MAP4K1: variants seen among roughly 807,000 people sequenced by gnomAD.
MAP4K1 encodes the protein mitogen-activated protein kinase kinase kinase kinase 1, also known as MAPK/ERK kinase kinase kinase 1.
Under a neutral mutation model 122.8 loss-of-function variants are expected in MAP4K1, and 35 were observed. The ratio of observed to expected loss-of-function variants is 0.29; its 90% CI spans 0.22 to 0.38. MAP4K1 has a LOEUF of 0.38. Among genes scored for constraint, MAP4K1 ranks in the 10% least tolerant of loss-of-function variants. The pLI, the probability that MAP4K1 is intolerant of heterozygous loss-of-function variation, is 1.00. For missense variants in MAP4K1, 791 were observed against 1,072.6 expected (o/e 0.74, Z 3.67); for synonymous variants, 412 against 421.3 (o/e 0.98, Z 0.27).
rs1447064012 is a variant in MAP4K1 at position 38,617,340 on chromosome 19, C to A, written c.248+14G>T. 1 of 1,606,182 alleles carries A rather than the reference C, an allele frequency of 6.2e-7. No homozygotes were observed. Among genetic ancestry groups the A allele is most frequent in the South Asian group, 1.1e-5 (1 of 90,864 alleles). On this transcript the variant is annotated intron_variant, in intron 3 of 30. Coordinates refer to ENST00000396857, the MANE Select transcript of MAP4K1 (RefSeq NM_001042600.3). The surrounding 1 kb of genome is among the most constrained non-coding windows in gnomAD (Gnocchi z 4.1). ...GGCTGGGCTGGGTGCCAGGGTGGGT[C>A]TGAGGTTCATCACCAGAGATAACTC... is the stretch of plus-strand genomic sequence containing the variant.
chr19:38,601,648 G>A, intron 19 of MAP4K1, 123 bp from the exon 20 acceptor site: 1 of 676,766 alleles, frequency 1.5e-6, no homozygotes, highest in Non-Finnish European at 2.6e-6. Context: ...TTACCTTGGT[G>A]CAATTTCCCA....
rs1216851974 is a variant in MAP4K1 at position 38,597,415 on chromosome 19, G to A, written c.1779-31C>T. The A allele has an allele frequency of 6.2e-7, 1 of 1,613,524 alleles. No homozygotes were observed. Among genetic ancestry groups the A allele is most frequent in the African/African-American group, 1.3e-5 (1 of 75,022 alleles). ...GAATAGGTAGGTGTGAAGGGGGGTA[G>A]GACAGCAGGAGGCAGAGGGGCATGG... is the stretch of plus-strand genomic sequence containing the variant. On this transcript the variant is annotated intron_variant, in intron 23 of 30. Coordinates refer to ENST00000396857, the MANE Select transcript of MAP4K1 (RefSeq NM_001042600.3). This position sits in a 1 kb window ranked among gnomAD's most constrained non-coding sequence, Gnocchi z 4.6.
Position 38,616,263 on chromosome 19 carries a change from CA to C in MAP4K1, c.249-5del. Reference sequence around the variant, plus strand: ...GCAGATCCAGAGTTTCTGCAACCTGCAGTGGTTCAAGAGTAAGAATAATAAT... The same window carrying C: ...GCAGATCCAGAGTTTCTGCAACCTGCGTGGTTCAAGAGTAAGAATAATAAT... On this transcript the variant is annotated splice_region_variant and splice_polypyrimidine_tract_variant and intron_variant, in intron 3 of 30. Coordinates refer to ENST00000396857, the MANE Select transcript of MAP4K1 (RefSeq NM_001042600.3). 6.2e-7 allele frequency: 1 copy of C among 1,610,856 alleles called. No individual in the cohort carries two copies. The highest frequency in any genetic ancestry group is 8.5e-7 in the Non-Finnish European group (1 of 1,178,306).
chr19:38,597,309 G>A lies in MAP4K1; in HGVS notation c.1837+17C>T, dbSNP rs1399505839. The A allele has an allele frequency of 1.9e-6, 3 of 1,613,756 alleles. No homozygotes were observed. Among genetic ancestry groups the A allele is most frequent in the South Asian group, 1.1e-5 (1 of 91,078 alleles). ...GGCCCCGCCCACTCTCTGCACACCC[G>A]TGAAGCTCTCTCTCACCCACACAGC... On this transcript the variant is annotated intron_variant, in intron 24 of 30. Transcript: ENST00000396857. This position sits in a 1 kb window ranked among gnomAD's most constrained non-coding sequence, Gnocchi z 4.6.
At position 38,597,524 on chromosome 19, in the gene MAP4K1, G is replaced by T; in HGVS notation, c.1740C>A (p.Asn580Lys). 1 of 1,613,988 alleles carries T rather than the reference G, an allele frequency of 6.2e-7. No individual in the cohort carries two copies. The highest frequency in any genetic ancestry group is 8.5e-7 in the Non-Finnish European group (1 of 1,179,976). The change falls in exon 23 of 31, where the codon AAC becomes AAA. Residue 580 changes from asparagine (N) to lysine (K), a missense_variant. Physicochemically the swap from Asn to Lys is moderately conservative, Grantham distance 94. Around this residue, in one of 4 missense-constraint regions of MAP4K1, gnomAD observed 267 missense variants for 323.0 expected, o/e 0.83. Transcript: ENST00000396857. The surrounding 1 kb of genome is among the most constrained non-coding windows in gnomAD (Gnocchi z 4.6). Reference sequence around the variant, plus strand: ...GGTGGGGGCTAATGTGAGCGATGGGGTTTCCTGCTCTGGTCTCTTTCCGTT... The same window carrying T: ...GGTGGGGGCTAATGTGAGCGATGGGTTTTCCTGCTCTGGTCTCTTTCCGTT... ...LLERKETRAG[N>K]PIAHISPHRL...
Position 38,605,616 on chromosome 19 carries a change from G to A in MAP4K1, c.1315C>T (p.Pro439Ser). Residue 439 changes from proline (P) to serine (S), a missense_variant, in exon 18 of 31, where the codon CCT becomes TCT. This residue lies in a region of MAP4K1 where 303 missense variants were observed against 344.8 expected (regional missense o/e 0.88). Transcript: ENST00000396857. ...ASGPPPNSPR[P>S]GPPPSTSSPH... ...CTGCTGGTGGATGGGGGAGGCCCAG[G>A]ACGGGGGCTGTTTGGTGGGGGCCCA... 3 of 1,573,792 alleles carry A rather than the reference G, an allele frequency of 1.9e-6. No individual in the cohort carries two copies. The highest frequency in any genetic ancestry group is 2.3e-5 in the South Asian group (2 of 86,996).
At position 38,612,634 on chromosome 19, in the gene MAP4K1, C is replaced by T. The variant is rs35922303; in HGVS notation, c.642G>A (p.Pro214=). 3.5e-4 allele frequency: 571 copies of T among 1,613,130 alleles called. 3 individuals are homozygous for T. The highest frequency in any genetic ancestry group is 8.2e-4 in the Middle Eastern group (5 of 6,074). The change falls in exon 9 of 31, where the codon CCG becomes CCA. Residue 214 remains proline (P), a synonymous_variant. Coordinates refer to ENST00000396857, the MANE Select transcript of MAP4K1 (RefSeq NM_001042600.3). ...ACCTGAGAGGGTGCACATCAAAGAGCGGTGGCTGTAGCTCGGCCAGTTCGA... is the reference window on the plus strand; with the variant it reads ...ACCTGAGAGGGTGCACATCAAAGAGTGGTGGCTGTAGCTCGGCCAGTTCGA... The part of the protein sequence containing the change: ...TAIELAELQP[P]LFDVHPLRVL...
chr19:38,589,485 G>A (rs369639425), intron 30 of MAP4K1, among the ~76,000 whole-genome samples: 1 of 149,538 alleles, frequency 6.7e-6, no homozygotes, highest in East Asian at 2.0e-4. Context: ...GCGCGATCTC[G>A]GCTCACTGCA....
intron 19 of MAP4K1, among the ~76,000 whole-genome samples, chr19:38,604,015 A>T (rs891050866): frequency 6.7e-6 from 1 of 150,118 alleles, no homozygotes; most frequent in Non-Finnish European, 1.5e-5. Flanking sequence ...GCCAAGCGCT[A>T]CTAGGGAGGG....
At chr19:38,592,942 A>AATAAATAT (rs971755486) in intron 30 of MAP4K1, among the ~76,000 whole-genome samples, 3 of 152,098 alleles carry the variant, frequency 2.0e-5, no homozygotes, top group African/African-American at 7.2e-5. Flanking sequence ...TAAATAAATA[A>AATAAATAT]ATAAAAGAAT....
In MAP4K1 at chr19:38,611,309, G is replaced by T. The variant is rs373566673; in HGVS notation, c.666-4C>A. The T allele has an allele frequency of 1.2e-5, 20 of 1,609,714 alleles. No individual in the cohort carries two copies. The African/African-American group carries it at 2.3e-4, about 18-fold the overall frequency. ...CTTGGTCATGAGGAAGAGAACTCTA[G>T]AATAGTAGGGAAAGGACATGGGGTT... On this transcript the variant is annotated splice_region_variant and splice_polypyrimidine_tract_variant and intron_variant, in intron 9 of 30. Coordinates refer to ENST00000396857, the MANE Select transcript of MAP4K1 (RefSeq NM_001042600.3).
At chr19:38,598,987 TG>T (rs2144708035) in intron 22 of MAP4K1, among the ~76,000 whole-genome samples, 1 of 125,348 alleles carries the variant, frequency 8.0e-6, no homozygotes, top group South Asian at 2.5e-4. Flanking sequence ...CACTCCAGTC[TG>T]GGCAACAGAG....
chr19:38,616,067 T>A, intron 4 of MAP4K1, 128 bp downstream of exon 4: 1 of 626,672 alleles, frequency 1.6e-6, no homozygotes, highest in Non-Finnish European at 2.6e-6. Context: ...AGCCCAGGAG[T>A]TTGAAATATG....
rs1975305411 is a variant in MAP4K1 at position 38,605,648 on chromosome 19, C to T, written c.1283G>A (p.Cys428Tyr). 1.9e-6 allele frequency: 3 copies of T among 1,603,340 alleles called. No homozygotes were observed. The highest frequency in any genetic ancestry group is 2.5e-6 in the Non-Finnish European group (3 of 1,176,844). ...GCTGTTTGGTGGGGGCCCACTGGCA[C>T]ACCGGACCAGCACCCCCGGGCTCAG... is the stretch of plus-strand genomic sequence containing the variant. ...GQLSPGVLVR[C>Y]ASGPPPNSPR... Residue 428 changes from cysteine to tyrosine, a missense_variant, in exon 18 of 31, where the codon TGT becomes TAT. Cys to Tyr is a radical substitution (Grantham distance 194). This residue lies in a region of MAP4K1 where 303 missense variants were observed against 344.8 expected (regional missense o/e 0.88). Coordinates refer to ENST00000396857, the MANE Select transcript of MAP4K1 (RefSeq NM_001042600.3).
rs986521252 is a variant in MAP4K1, at chr19:38,599,803, C to G, written c.1669+122G>C. The G allele has an allele frequency of 2.2e-5, 20 of 912,622 alleles. No individual in the cohort carries two copies. In the African/African-American group the frequency reaches 2.6e-4, roughly 12 times the overall value. 56.5% of individuals were successfully genotyped at this position (912,622 alleles called of 1,614,324 possible). A position where few individuals can be genotyped will look rare whatever the true frequency, so the allele number is the denominator to read the frequency against. On this transcript the variant is annotated intron_variant, in intron 22 of 30. Transcript: ENST00000396857. ...AGTCAAAAAGTGTCTGGGATTTGAA[C>G]CTAGGACTTTGTGACCAAGCAGTCT... is the stretch of plus-strand genomic sequence containing the variant.
chr19:38,593,105 G>A (rs1488900488), intron 30 of MAP4K1, among the ~76,000 whole-genome samples, 177 bp downstream of exon 30: 1 of 151,672 alleles, frequency 6.6e-6, no homozygotes, highest in African/African-American at 2.4e-5. Context: ...AACAAAAAGA[G>A]AGAACGCCCC....
At chr19:38,602,732 G>T (rs553284109) in intron 19 of MAP4K1, among the ~76,000 whole-genome samples, 1 of 75,460 alleles carries the variant, frequency 1.3e-5, no homozygotes, top group Non-Finnish European at 3.0e-5. Flanking sequence ...ACATATACAT[G>T]TATACATATA....
At chr19:38,590,460 C>T (rs1432539355) in intron 30 of MAP4K1, among the ~76,000 whole-genome samples, 3 of 117,596 alleles carry the variant, frequency 2.6e-5, no homozygotes, top group East Asian at 2.6e-4. Context: ...ACTAGGACAA[C>T]GGGTGAAATT....
chr19:38,601,583 A>G lies in MAP4K1; in HGVS notation c.1447-58T>C, dbSNP rs555250803. 9.0e-6 allele frequency: 12 copies of G among 1,339,786 alleles called. No homozygotes were observed. In the Admixed American group the frequency reaches 1.2e-4, roughly 13 times the overall value. 83.0% of individuals were successfully genotyped at this position (1,339,786 alleles called of 1,614,324 possible). On this transcript the variant is annotated intron_variant, in intron 19 of 30. Coordinates refer to ENST00000396857, the MANE Select transcript of MAP4K1 (RefSeq NM_001042600.3). The stretch of plus-strand genomic sequence containing the variant: ...TCCGGCAAAGAGAGCAGGGAACAGG[A>G]AGGGGCAGTGGTTACGACTTTGGAG...
Sources: allele counts gnomAD v4.1 joint callset (sites outside exome capture counted in the v4.1 genomes callset), GRCh38; gene constraint gnomAD v4.1.1; regional missense constraint gnomAD v4.1.1; non-coding constraint Gnocchi (gnomAD v3.1); transcripts MANE v1.5; gene names NCBI Gene and HGNC (gene_info 2026-07-23, HGNC 2026-07-21).